USP28: variants seen among roughly 807,000 people sequenced by gnomAD.
USP28 encodes ubiquitin specific peptidase 28.
USP28 carries 113 observed loss-of-function variants against 145.0 expected under a neutral mutation model. That is an observed-to-expected ratio of 0.78 (90% CI 0.67 to 0.91). The LOEUF (loss-of-function observed/expected upper bound fraction) is 0.91. Ranked by LOEUF, USP28 falls within the 40% of genes least tolerant of loss-of-function variation. USP28 has a pLI of 0.00. For synonymous variants in USP28, 447 were observed against 450.9 expected, an observed-to-expected ratio of 0.99 and a Z score of 0.11; for missense variants, 1,201 against 1,289.6, an observed-to-expected ratio of 0.93 and a Z score of 1.05.
rs190815745 is a variant in USP28, at chr11:113,829,681, C to T, written c.911-336G>A. On this transcript the variant is annotated intron_variant, in intron 9 of 24. Coordinates refer to ENST00000003302, the Ensembl canonical transcript of USP28. ...GTCTCTACAAAAAATAAAAATTATC[C>T]GGGTGCAGTAACACACGCCTGAAGT... Among the ~76,000 whole-genome samples the T allele has an allele frequency of 4.0e-4, 61 of 152,112 alleles. No individual in the cohort carries two copies. In the East Asian group the frequency reaches 8.3e-3, roughly 21 times the overall value.
At chr11:113,805,548 G>A (rs927277103) in intron 19 of USP28, among the ~76,000 whole-genome samples, 4 of 152,078 alleles carry the variant, frequency 2.6e-5, no homozygotes, top group African/African-American at 7.2e-5. Context: ...GAGCCACTGC[G>A]CCCAGCCTAC....
At chr11:113,815,295 A>T in exon 14 of USP28, 3 of 1,614,114 alleles carry the variant, frequency 1.9e-6, no homozygotes, top group Middle Eastern at 1.6e-4. Context: ...AAGACCGAGA[A>T]GATGTCAGTG....
exon 18 of USP28, chr11:113,808,430 T>C: frequency 3.1e-6 from 5 of 1,614,074 alleles, no homozygotes; most frequent in Non-Finnish European, 4.2e-6. Flanking sequence ...AAGAGGCTAC[T>C]GAAGGCTCTG....
intron 10 of USP28, 87 bp downstream of exon 10, chr11:113,829,110 A>C (rs1305933545): frequency 6.5e-7 from 1 of 1,548,404 alleles, no homozygotes; most frequent in African/African-American, 1.4e-5. Flanking sequence ...GTTACTTAAT[A>C]TGTGATGGGA....
chr11:113,841,829 T>A, intron 3 of USP28, 61 bp from the exon 4 acceptor site: 1 of 1,193,726 alleles, frequency 8.4e-7, no homozygotes, highest in Non-Finnish European at 1.2e-6. Context: ...TTCTGTAATA[T>A]AAGAAAAAGG....
At chr11:113,867,836 A>C (rs1948445696) in intron 1 of USP28, among the ~76,000 whole-genome samples, 1 of 136,950 alleles carries the variant, frequency 7.3e-6, no homozygotes, top group Non-Finnish European at 1.6e-5. Context: ...GGAGGGAGGA[A>C]GAAAGGGAGG....
chr11:113,858,218 A>C (rs1462250832), intron 1 of USP28, among the ~76,000 whole-genome samples: 1 of 152,118 alleles, frequency 6.6e-6, no homozygotes, highest in Non-Finnish European at 1.5e-5. Flanking sequence ...ATGTAAAATA[A>C]TTTTGTATAG....
intron 1 of USP28, among the ~76,000 whole-genome samples, chr11:113,856,657 C>A (rs1947079492): frequency 6.6e-6 from 1 of 152,118 alleles, no homozygotes; most frequent in Admixed American, 6.6e-5. Context: ...GGCAAGAATA[C>A]CTATCTAATG....
rs780410860 is a variant in USP28 at position 113,808,311 on chromosome 11, G to A, written c.2291C>T (p.Ala764Val). 16 of 1,612,742 alleles carry A rather than the reference G, an allele frequency of 9.9e-6. No homozygotes were observed. The East Asian group carries it at 1.6e-4, about 16-fold the overall frequency. ...AGTCATTCTCACCTCACTCAGTGCC[G>A]CTTCTACACCGCTCTTCTCATAGGC... The change falls in exon 18 of 25, where the codon GCG becomes GTG. Residue 764 changes from alanine (A) to valine (V), a missense_variant. Physicochemically the swap from Ala to Val is moderately conservative, Grantham distance 64. Transcript: ENST00000003302.
intron 5 of USP28, among the ~76,000 whole-genome samples, chr11:113,840,056 T>C (rs1945025124): frequency 6.6e-6 from 1 of 152,140 alleles, no homozygotes; most frequent in South Asian, 2.1e-4. Context: ...TGAAACCCAC[T>C]GTTAACACAC....
intron 10 of USP28, 77 bp downstream of exon 10, chr11:113,829,120 A>C: frequency 1.3e-6 from 2 of 1,569,150 alleles, no homozygotes; most frequent in South Asian, 2.4e-5. Flanking sequence ...ATGTGATGGG[A>C]AACTAGTCTG....
intron 1 of USP28, among the ~76,000 whole-genome samples, chr11:113,870,752 C>T (rs1948731543): frequency 6.6e-6 from 1 of 152,218 alleles, no homozygotes; most frequent in Admixed American, 6.5e-5. Flanking sequence ...CTTCCTCAAT[C>T]TCCTGTCAGC....
At chr11:113,847,542 T>A (rs2136330122) in intron 3 of USP28, among the ~76,000 whole-genome samples, 1 of 152,340 alleles carries the variant, frequency 6.6e-6, no homozygotes, top group Non-Finnish European at 1.5e-5. Flanking sequence ...TGGATCATTG[T>A]TCTTAACAAA....
At chr11:113,800,079 C>T (rs573997300) in intron 24 of USP28, among the ~76,000 whole-genome samples, 10 of 151,990 alleles carry the variant, frequency 6.6e-5, no homozygotes, top group African/African-American at 2.4e-4. Context: ...CATCTTTGCT[C>T]ACTGCAAGCT....
At chr11:113,849,074 G>C (rs906968561) in intron 3 of USP28, among the ~76,000 whole-genome samples, 1 of 152,216 alleles carries the variant, frequency 6.6e-6, no homozygotes, top group African/African-American at 2.4e-5. Flanking sequence ...GGATGTCAGA[G>C]AAACACTTCA....
chr11:113,817,975 TCAAA>T (rs1942004320), intron 12 of USP28, 138 bp from the exon 13 acceptor site: 8 of 817,860 alleles, frequency 9.8e-6, no homozygotes, highest in Non-Finnish European at 1.5e-5. Flanking sequence ...AATAGGGTCC[TCAAA>T]CAATCTATAG....
intron 14 of USP28, among the ~76,000 whole-genome samples, chr11:113,814,880 C>T (rs1941484692): frequency 1.5e-5 from 2 of 137,212 alleles, no homozygotes; most frequent in Admixed American, 7.7e-5. Context: ...GAAACCCCAT[C>T]TCTACTAAAA....
intron 5 of USP28, among the ~76,000 whole-genome samples, chr11:113,837,436 C>G (rs1008526411): frequency 2.0e-5 from 3 of 152,104 alleles, no homozygotes; most frequent in African/African-American, 7.2e-5. Flanking sequence ...CAGGCTGCAC[C>G]CAAAAATACA....
chr11:113,841,865 TACA>T (rs1303190896), intron 3 of USP28, 97 bp from the exon 4 acceptor site: 25 of 720,382 alleles, frequency 3.5e-5, no homozygotes, highest in Non-Finnish European at 5.2e-5. Flanking sequence ...TAGCTTTCAC[TACA>T]ACAATGGCTC....
Sources: allele counts gnomAD v4.1 joint callset (sites outside exome capture counted in the v4.1 genomes callset), GRCh38; gene constraint gnomAD v4.1.1; transcripts MANE v1.5; gene names NCBI Gene and HGNC (gene_info 2026-07-23, HGNC 2026-07-21).